Variants in ABTB2 observed in about 807,000 individuals in gnomAD.
The protein encoded by ABTB2 is ankyrin repeat and BTB/POZ domain-containing protein 2.
Under a neutral mutation model 104.1 loss-of-function variants are expected in ABTB2, and 56 were observed. The observed-to-expected ratio is 0.54, with a 90% CI of 0.43 to 0.67. The LOEUF is 0.67. Among genes scored for constraint, ABTB2 ranks in the 30% least tolerant of loss-of-function variants. The pLI is 0.00. For missense variants in ABTB2, 1,279 were observed against 1,407.7 expected, an observed-to-expected ratio of 0.91 and a Z score of 1.46; for synonymous variants, 606 against 608.2, an observed-to-expected ratio of 1.00 and a Z score of 0.05.
At chr11:34,322,457 C>A (rs1855016007) in intron 1 of ABTB2, among the ~76,000 whole-genome samples, 1 of 152,198 alleles carries the variant, frequency 6.6e-6, no homozygotes, top group African/African-American at 2.4e-5. Context: ...CACCTGTAAT[C>A]CCAGCTACTA....
At chr11:34,331,567 C>T (rs993221578) in intron 1 of ABTB2, among the ~76,000 whole-genome samples, 6 of 152,184 alleles carry the variant, frequency 3.9e-5, no homozygotes, top group Admixed American at 6.5e-5. Context: ...TGACTGGCCA[C>T]GTGAGGGATG....
chr11:34,176,118 A>G (rs1852958389), intron 3 of ABTB2, among the ~76,000 whole-genome samples: 1 of 151,944 alleles, frequency 6.6e-6, no homozygotes. Flanking sequence ...CGTCTCTACT[A>G]AAAATACAAA....
chr11:34,229,902 G>A (rs957663979), intron 1 of ABTB2, among the ~76,000 whole-genome samples: 5 of 152,196 alleles, frequency 3.3e-5, no homozygotes, highest in Admixed American at 1.3e-4. Context: ...TCTTTGGAAC[G>A]GGCCTTTAAA....
intron 1 of ABTB2, among the ~76,000 whole-genome samples, chr11:34,208,709 T>C (rs1211398268): frequency 6.6e-6 from 1 of 152,074 alleles, no homozygotes; most frequent in African/African-American, 2.4e-5. Context: ...CCAGCCCCTC[T>C]GTGAGTACAG....
intron 9 of ABTB2, among the ~76,000 whole-genome samples, chr11:34,164,410 T>C (rs1261313602): frequency 6.6e-6 from 1 of 152,106 alleles, no homozygotes. Context: ...AGCTGCAGAG[T>C]GGCATCTCAC....
intron 1 of ABTB2, among the ~76,000 whole-genome samples, chr11:34,353,975 G>A (rs1328879645): frequency 6.6e-6 from 1 of 152,190 alleles, no homozygotes; most frequent in Non-Finnish European, 1.5e-5. Context: ...CCTAAGCAGT[G>A]TATGCTTCCC....
intron 2 of ABTB2, among the ~76,000 whole-genome samples, chr11:34,197,861 G>C (rs1853282290): frequency 6.6e-6 from 1 of 152,026 alleles, no homozygotes; most frequent in South Asian, 2.1e-4. Flanking sequence ...CCAGATCTTT[G>C]ACCAAGGGAA....
intron 16 of ABTB2, among the ~76,000 whole-genome samples, chr11:34,152,956 T>C (rs760499435): frequency 6.6e-6 from 1 of 152,136 alleles, no homozygotes; most frequent in Non-Finnish European, 1.5e-5. Context: ...ACTCAACACA[T>C]ATCAAGGGGC....
intron 1 of ABTB2, among the ~76,000 whole-genome samples, chr11:34,234,018 C>A (rs1287238631): frequency 6.6e-6 from 1 of 152,180 alleles, no homozygotes; most frequent in Non-Finnish European, 1.5e-5. Context: ...TCAGCTTGAT[C>A]CCTCTCAGAA....
At position 34,152,284 on chromosome 11, in the gene ABTB2, C is replaced by T; in HGVS notation, c.*103G>A. ...GGACATCTGGGGGAGGAGGAGGAAACAGCCCCGTGAACCTGGCTCCAAGAG... is the reference window on the plus strand; with the variant it reads ...GGACATCTGGGGGAGGAGGAGGAAATAGCCCCGTGAACCTGGCTCCAAGAG... On this transcript the variant is annotated 3_prime_UTR_variant, in exon 17 of 17. Coordinates refer to ENST00000435224, the MANE Select transcript of ABTB2 (RefSeq NM_145804.3). 1.5e-6 allele frequency: 2 copies of T among 1,300,856 alleles called. No homozygotes were observed. The highest frequency in any genetic ancestry group is 2.1e-6 in the Non-Finnish European group (2 of 958,976). The allele number at this position is 1,300,856 out of a possible 1,614,324, so 80.6% of individuals were successfully genotyped here. A position where few individuals can be genotyped will look rare whatever the true frequency, so the allele number is the denominator to read the frequency against.
intron 1 of ABTB2, among the ~76,000 whole-genome samples, chr11:34,294,849 G>C (rs1854601928): frequency 6.6e-6 from 1 of 151,958 alleles, no homozygotes; most frequent in South Asian, 2.1e-4. Context: ...TGAGCAGCTG[G>C]GATTACAGGT....
At position 34,203,337 on chromosome 11, in the gene ABTB2, C is replaced by T. The variant is rs551387801; in HGVS notation, c.1030+1207G>A. Reference sequence around the variant, plus strand: ...ACAATGGTGTCTTGCACACAGAAGGCGCTCACTTAATGTTCAAGTGTAAAG... The same window carrying T: ...ACAATGGTGTCTTGCACACAGAAGGTGCTCACTTAATGTTCAAGTGTAAAG... On this transcript the variant is annotated intron_variant, in intron 2 of 16. Transcript: ENST00000435224. 1.1e-4 allele frequency among the ~76,000 whole-genome samples: 16 copies of T among 152,300 alleles called. No homozygotes were observed. The South Asian group carries it at 1.5e-3, about 14-fold the overall frequency.
chr11:34,249,838 A>G (rs992151866), intron 1 of ABTB2, among the ~76,000 whole-genome samples: 6 of 152,154 alleles, frequency 3.9e-5, no homozygotes, highest in African/African-American at 1.4e-4. Flanking sequence ...CCATCACTCT[A>G]TAACATCAGG....
At chr11:34,180,243 A>G (rs534406506) in intron 3 of ABTB2, among the ~76,000 whole-genome samples, 11 of 152,334 alleles carry the variant, frequency 7.2e-5, no homozygotes, top group African/African-American at 2.6e-4. Flanking sequence ...AACAAATGCA[A>G]CCACTATGTC....
At chr11:34,278,316 G>A (rs1854409800) in intron 1 of ABTB2, among the ~76,000 whole-genome samples, 1 of 152,160 alleles carries the variant, frequency 6.6e-6, no homozygotes, top group Non-Finnish European at 1.5e-5. Flanking sequence ...TTTGATTTGG[G>A]TGCTGCTGGA....
intron 1 of ABTB2, among the ~76,000 whole-genome samples, chr11:34,270,812 T>C (rs1480083100): frequency 6.6e-6 from 1 of 152,186 alleles, no homozygotes; most frequent in Non-Finnish European, 1.5e-5. Context: ...TCTCCCAAGT[T>C]TTAGATGATA....
chr11:34,257,199 C>G (rs1287641372), intron 1 of ABTB2, among the ~76,000 whole-genome samples: 1 of 152,002 alleles, frequency 6.6e-6, no homozygotes, highest in Non-Finnish European at 1.5e-5. Flanking sequence ...TGAATTCTGA[C>G]TTGTCCATTC....
chr11:34,160,042 G>A (rs1852686848), intron 12 of ABTB2, 34 bp from the exon 13 acceptor site: 1 of 1,561,658 alleles, frequency 6.4e-7, no homozygotes, highest in South Asian at 1.1e-5. Flanking sequence ...GGATATGGCT[G>A]AGGAGTCCCC....
At chr11:34,270,901 C>T (rs183632204) in intron 1 of ABTB2, among the ~76,000 whole-genome samples, 60 of 152,264 alleles carry the variant, frequency 3.9e-4, no homozygotes, top group African/African-American at 1.1e-3. Context: ...TACTGTGTGA[C>T]GCCTTTTGCC....
Sources: allele counts gnomAD v4.1 joint callset (sites outside exome capture counted in the v4.1 genomes callset), GRCh38; gene constraint gnomAD v4.1.1; transcripts MANE v1.5; gene names NCBI Gene and HGNC (gene_info 2026-07-23, HGNC 2026-07-21).